PRPSAP1: variants seen among roughly 807,000 people sequenced by gnomAD.
The protein encoded by PRPSAP1 is phosphoribosyl pyrophosphate synthase-associated protein 1.
A neutral mutation model predicts 39.4 loss-of-function variants in PRPSAP1; 31 were observed. The observed-to-expected ratio is 0.79, with a 90% CI of 0.59 to 1.06. The LOEUF (loss-of-function observed/expected upper bound fraction) is 1.06. Among genes scored for constraint, PRPSAP1 ranks in the 50% least tolerant of loss-of-function variants. The pLI, the probability that PRPSAP1 is intolerant of heterozygous loss-of-function variation, is 0.00. For missense variants in PRPSAP1, 430 were observed against 511.6 expected, an observed-to-expected ratio of 0.84 and a Z score of 1.54; for synonymous variants, 212 against 192.6, an observed-to-expected ratio of 1.10 and a Z score of -0.83.
rs149061354 is a variant in PRPSAP1, at chr17:76,314,228, G to GTATGTATGTATGTATGTATGT, written c.782-338_782-337insACATACATACATACATACATA. ...TGTATGTATGTATGTATGTATGTAT[G>GTATGTATGTATGTATGTATGT]TATTTTTTGAGACGGAGTTTTGCTC... is the stretch of plus-strand genomic sequence containing the variant. On this transcript the variant is annotated intron_variant, in intron 7 of 9. Coordinates refer to ENST00000446526, the MANE Select transcript of PRPSAP1 (RefSeq NM_002766.3). 822 of 275,228 alleles carry GTATGTATGTATGTATGTATGT rather than the reference G, an allele frequency of 3.0e-3. 8 individuals are homozygous for GTATGTATGTATGTATGTATGT. The highest frequency in any genetic ancestry group is 0.016 in the African/African-American group (730 of 44,740). The allele number at this position is 275,228 out of a possible 1,614,324, so 17.0% of individuals were successfully genotyped here.
At position 76,312,862 on chromosome 17, in the gene PRPSAP1, A is replaced by C; in HGVS notation, c.999+8T>G. The C allele has an allele frequency of 1.9e-6, 3 of 1,601,428 alleles. No individual in the cohort carries two copies. Among genetic ancestry groups the C allele is most frequent in the Non-Finnish European group, 2.5e-6 (3 of 1,176,606 alleles). ...AAATCTTGGCTCAAGATTTAGAAGC[A>C]GCCTGACCTCGTCTACGGAGGACTC... On this transcript the variant is annotated splice_region_variant and intron_variant, in intron 9 of 9. Transcript: ENST00000446526.
intron 1 of PRPSAP1, among the ~76,000 whole-genome samples, chr17:76,352,666 AAG>A (rs2071590288): frequency 2.0e-5 from 3 of 150,070 alleles, no homozygotes; most frequent in South Asian, 4.2e-4. Context: ...AAAAAAAAAA[AAG>A]AAAAGAAAAA....
At chr17:76,314,875 C>T (rs1439671414) in intron 7 of PRPSAP1, among the ~76,000 whole-genome samples, 1 of 152,182 alleles carries the variant, frequency 6.6e-6, no homozygotes, top group African/African-American at 2.4e-5. Flanking sequence ...GGATAGAAAC[C>T]CCACTCTCAC....
chr17:76,349,185 T>C (rs980370572), intron 1 of PRPSAP1, among the ~76,000 whole-genome samples: 1 of 151,704 alleles, frequency 6.6e-6, no homozygotes, highest in African/African-American at 2.4e-5. Context: ...ATGCCTGTAA[T>C]CTCAGCTACT....
At position 76,328,290 on chromosome 17, in the gene PRPSAP1, C is replaced by T. The variant is rs540322570; in HGVS notation, c.781+427G>A. Among the ~76,000 whole-genome samples, 25 of 152,002 alleles carry T rather than the reference C, an allele frequency of 1.6e-4. No individual in the cohort carries two copies. The East Asian group carries it at 4.1e-3, about 25-fold the overall frequency. On this transcript the variant is annotated intron_variant, in intron 7 of 9. Transcript: ENST00000446526. The stretch of plus-strand genomic sequence containing the variant: ...AGTCGATAACTCCTAGCCATTCATA[C>T]TACTTAAAACTTTCTTCAGGGCCAG...
intron 3 of PRPSAP1, among the ~76,000 whole-genome samples, chr17:76,338,253 GAAC>G (rs1454832991): frequency 2.6e-5 from 4 of 152,150 alleles, no homozygotes; most frequent in African/African-American, 9.7e-5. Context: ...TGTGATTTTA[GAAC>G]AACAGCTCTG....
intron 1 of PRPSAP1, among the ~76,000 whole-genome samples, chr17:76,351,200 C>A (rs1162152016): frequency 6.6e-6 from 1 of 151,722 alleles, no homozygotes; most frequent in African/African-American, 2.4e-5. Flanking sequence ...TGGTGAAACC[C>A]ATCTCTACTA....
chr17:76,318,973 T>C (rs1226060768), intron 7 of PRPSAP1, among the ~76,000 whole-genome samples: 1 of 152,146 alleles, frequency 6.6e-6, no homozygotes, highest in African/African-American at 2.4e-5. Flanking sequence ...GGAGTCTCAC[T>C]CTGTTGCTCA....
At chr17:76,344,618 A>G in intron 3 of PRPSAP1, 53 bp downstream of exon 3, 2 of 1,335,404 alleles carry the variant, frequency 1.5e-6, no homozygotes, top group Non-Finnish European at 2.1e-6. Context: ...AAGATAATCA[A>G]TTATATTGTT....
intron 1 of PRPSAP1, chr17:76,353,313 G>A (rs1448217649): frequency 2.0e-6 from 1 of 509,302 alleles, no homozygotes; most frequent in Non-Finnish European, 3.4e-6. Flanking sequence ...TCACGGGGCG[G>A]GGGGCTGAGG....
intron 1 of PRPSAP1, 91 bp from the exon 2 acceptor site, chr17:76,348,672 A>T: frequency 1.0e-6 from 1 of 957,950 alleles, no homozygotes. Flanking sequence ...AAAAAGACTC[A>T]AATAATTAAG....
chr17:76,353,527 C>G lies in PRPSAP1; in HGVS notation c.170+7G>C. The G allele has an allele frequency of 6.6e-7, 1 of 1,516,198 alleles. No individual in the cohort carries two copies. Among genetic ancestry groups the G allele is most frequent in the Non-Finnish European group, 8.8e-7 (1 of 1,136,174 alleles). 93.9% of individuals were successfully genotyped at this position (1,516,198 alleles called of 1,614,324 possible). On this transcript the variant is annotated splice_region_variant and intron_variant, in intron 1 of 9. Coordinates refer to ENST00000446526, the MANE Select transcript of PRPSAP1 (RefSeq NM_002766.3). Reference sequence around the variant, plus strand: ...CCCCCGGCCCGGCCCTCCCACCGCCCCCTTACTCTGTGATGCGCTTGGCCA... The same window carrying G: ...CCCCCGGCCCGGCCCTCCCACCGCCGCCTTACTCTGTGATGCGCTTGGCCA...
At chr17:76,316,463 G>A (rs2071125028) in intron 7 of PRPSAP1, among the ~76,000 whole-genome samples, 1 of 152,198 alleles carries the variant, frequency 6.6e-6, no homozygotes, top group East Asian at 1.9e-4. Context: ...CACATAATCT[G>A]GTGGCTGCCA....
intron 1 of PRPSAP1, among the ~76,000 whole-genome samples, chr17:76,352,548 G>A (rs1001586437): frequency 2.0e-5 from 3 of 151,568 alleles, no homozygotes; most frequent in Non-Finnish European, 4.4e-5. Flanking sequence ...GGGAGGCTGG[G>A]GCAGGACAAT....
intron 2 of PRPSAP1, chr17:76,345,661 G>A (rs1201421783): frequency 6.4e-6 from 1 of 156,154 alleles, no homozygotes; most frequent in Non-Finnish European, 1.4e-5. Context: ...GCAACAGCTA[G>A]AAACATTTGG....
intron 3 of PRPSAP1, among the ~76,000 whole-genome samples, chr17:76,338,143 G>T (rs2071398201): frequency 6.6e-6 from 1 of 151,996 alleles, no homozygotes; most frequent in Admixed American, 6.6e-5. Flanking sequence ...CGACCAAAAG[G>T]TTGCTATTAT....
rs60794745 is a variant in PRPSAP1, at chr17:76,311,371, C to G, written c.*171G>C. The G allele has an allele frequency of 5.1e-5, 33 of 644,800 alleles. No homozygotes were observed. The East Asian group carries it at 9.3e-4, about 18-fold the overall frequency. 39.9% of individuals were successfully genotyped at this position (644,800 alleles called of 1,614,324 possible). On this transcript the variant is annotated 3_prime_UTR_variant, in exon 10 of 10. Coordinates refer to ENST00000446526, the MANE Select transcript of PRPSAP1 (RefSeq NM_002766.3). ...ATGTTATGATATTTATCCATTAGCT[C>G]TGTCTTCTTCCTGACTCTTTTAATC...
At chr17:76,340,469 C>T (rs933948611) in intron 3 of PRPSAP1, among the ~76,000 whole-genome samples, 3 of 151,068 alleles carry the variant, frequency 2.0e-5, no homozygotes, top group Admixed American at 2.0e-4. Context: ...CTAGATTGCA[C>T]GTGTTAAATA....
At chr17:76,323,375 T>C (rs928297516) in intron 7 of PRPSAP1, among the ~76,000 whole-genome samples, 1 of 150,398 alleles carries the variant, frequency 6.6e-6, no homozygotes, top group African/African-American at 2.5e-5. Context: ...TATAAGACTA[T>C]AGATGCCATA....
Sources: allele counts gnomAD v4.1 joint callset (sites outside exome capture counted in the v4.1 genomes callset), GRCh38; gene constraint gnomAD v4.1.1; transcripts MANE v1.5; gene names NCBI Gene and HGNC (gene_info 2026-07-23, HGNC 2026-07-21).